The following UBE3D variants were observed in gnomAD, a reference collection of about 807,000 sequenced individuals.
UBE3D encodes the protein E3 ubiquitin-protein ligase E3D.
In UBE3D, 48 loss-of-function variants were observed where a neutral mutation model predicts 49.6. The ratio of observed to expected loss-of-function variants is 0.97; its 90% CI spans 0.77 to 1.23. The LOEUF is 1.23. UBE3D is among the 50% of genes most tolerant of loss of function. The pLI, the probability that UBE3D is intolerant of heterozygous loss-of-function variation, is 0.00. For missense variants in UBE3D, 452 were observed against 468.4 expected, an observed-to-expected ratio of 0.96 and a Z score of 0.32; for synonymous variants, 189 against 174.2, an observed-to-expected ratio of 1.08 and a Z score of -0.67.
the UBE3D span, among the ~76,000 whole-genome samples, chr6:82,883,339 C>G: frequency 2.6e-5 from 4 of 152,100 alleles, no homozygotes; most frequent in Admixed American, 1.3e-4. Context: ...TGGATTAACT[C>G]AAATCGATCA....
At chr6:82,933,046 C>T (rs1272083059) in intron 9 of UBE3D, among the ~76,000 whole-genome samples, 1 of 152,064 alleles carries the variant, frequency 6.6e-6, no homozygotes, top group Admixed American at 6.6e-5. Flanking sequence ...TTGTTGATTC[C>T]TGCCACCTGA....
chr6:83,055,709 T>A (rs543562201), intron 2 of UBE3D, among the ~76,000 whole-genome samples: 2 of 152,302 alleles, frequency 1.3e-5, no homozygotes, highest in East Asian at 1.9e-4. Flanking sequence ...GGTCACAGTT[T>A]GACACTCAAA....
intron 9 of UBE3D, among the ~76,000 whole-genome samples, chr6:82,952,196 GC>G (rs752691632): frequency 6.6e-6 from 1 of 152,010 alleles, no homozygotes; most frequent in Non-Finnish European, 1.5e-5. Context: ...CTCGAGCCAG[GC>G]CTTGTACTTC....
chr6:82,926,883 T>C (rs1322661155), intron 9 of UBE3D, among the ~76,000 whole-genome samples: 1 of 152,118 alleles, frequency 6.6e-6, no homozygotes, highest in African/African-American at 2.4e-5. Flanking sequence ...CAATTCTTTC[T>C]TTCATGGGGT....
intron 8 of UBE3D, among the ~76,000 whole-genome samples, chr6:82,974,535 G>A (rs1479951222): frequency 6.6e-6 from 1 of 151,962 alleles, no homozygotes; most frequent in Non-Finnish European, 1.5e-5. Context: ...TTTTAAATTT[G>A]TATTTTTTTA....
intron 9 of UBE3D, among the ~76,000 whole-genome samples, chr6:82,897,810 G>C (rs1771439858): frequency 6.6e-6 from 1 of 152,072 alleles, no homozygotes; most frequent in African/African-American, 2.4e-5. Flanking sequence ...ACCATGTTGA[G>C]GATACCCTAG....
At chr6:82,972,335 G>T (rs1456724435) in intron 8 of UBE3D, among the ~76,000 whole-genome samples, 1 of 152,162 alleles carries the variant, frequency 6.6e-6, no homozygotes, top group East Asian at 1.9e-4. Flanking sequence ...AGCTACTAGT[G>T]ACTGAATTTC....
chr6:82,888,238 T>C (rs1770923713), downstream of UBE3D, among the ~76,000 whole-genome samples: 1 of 151,706 alleles, frequency 6.6e-6, no homozygotes. Context: ...AGAACCTCCA[T>C]ATAGGCAATC....
chr6:82,971,847 A>G (rs1777372522), intron 8 of UBE3D, among the ~76,000 whole-genome samples: 1 of 152,194 alleles, frequency 6.6e-6, no homozygotes, highest in African/African-American at 2.4e-5. Context: ...TATTGATAAA[A>G]TGGCATTATT....
At chr6:82,930,381 C>T (rs1774058574) in intron 9 of UBE3D, among the ~76,000 whole-genome samples, 1 of 152,042 alleles carries the variant, frequency 6.6e-6, no homozygotes, top group African/African-American at 2.4e-5. Context: ...TGTAAAGATA[C>T]CCAAAAACGT....
intron 9 of UBE3D, among the ~76,000 whole-genome samples, chr6:82,917,873 G>C (rs868761720): frequency 6.6e-6 from 1 of 152,168 alleles, no homozygotes; most frequent in African/African-American, 2.4e-5. Context: ...GGAGTGTGCT[G>C]TCTCTCTAAA....
chr6:82,964,533 C>T (rs1300920071), intron 8 of UBE3D, among the ~76,000 whole-genome samples: 3 of 152,100 alleles, frequency 2.0e-5, no homozygotes, highest in Non-Finnish European at 4.4e-5. Context: ...CCTAGAAGAA[C>T]CTAAGAAAGC....
intron 8 of UBE3D, among the ~76,000 whole-genome samples, chr6:82,968,572 G>A (rs1365936188): frequency 1.3e-5 from 2 of 152,096 alleles, no homozygotes; most frequent in African/African-American, 4.8e-5. Context: ...AGAATCTCAA[G>A]AGTGGTAATA....
At chr6:82,887,050 T>C in the UBE3D span, among the ~76,000 whole-genome samples, 1 of 152,182 alleles carries the variant, frequency 6.6e-6, no homozygotes, top group East Asian at 1.9e-4. Context: ...CATGCCTGTA[T>C]CTCAGCACTT....
chr6:83,047,981 C>T (rs561749631), intron 3 of UBE3D, among the ~76,000 whole-genome samples: 5 of 143,158 alleles, frequency 3.5e-5, no homozygotes, highest in East Asian at 4.4e-4. Flanking sequence ...ACTCCGGAGG[C>T]TGAGGCAGGA....
intron 4 of UBE3D, among the ~76,000 whole-genome samples, chr6:83,039,565 A>C (rs1445193631): frequency 6.6e-6 from 1 of 152,138 alleles, no homozygotes; most frequent in Non-Finnish European, 1.5e-5. Flanking sequence ...TCCAAACAAC[A>C]GCTCATGTGC....
At chr6:82,888,667 G>A (rs1326619907), downstream of UBE3D, among the ~76,000 whole-genome samples, 1 of 152,118 alleles carries the variant, frequency 6.6e-6, no homozygotes, top group Non-Finnish European at 1.5e-5. Flanking sequence ...AAGGATCCTA[G>A]AATAAGGGTG....
rs571054736 is a variant in UBE3D, at chr6:83,016,917, C to T, written c.1010+2056G>A. Among the ~76,000 whole-genome samples the T allele has an allele frequency of 3.9e-5, 6 of 152,236 alleles. No individual in the cohort carries two copies. In the East Asian group the frequency reaches 1.2e-3, roughly 29 times the overall value. On this transcript the variant is annotated intron_variant, in intron 8 of 9. Coordinates refer to ENST00000369747, the MANE Select transcript of UBE3D (RefSeq NM_198920.3). ...ATCTAGTCTTTTCATGTTTTTCTGC[C>T]TGCTTTATATTCCAGCCATGCTGGC...
intron 3 of UBE3D, among the ~76,000 whole-genome samples, chr6:83,052,287 T>C (rs146155120): frequency 6.6e-6 from 1 of 152,220 alleles, no homozygotes; most frequent in Non-Finnish European, 1.5e-5. Context: ...CTAGACAGAC[T>C]CAGAAGGGAC....
Sources: allele counts gnomAD v4.1 joint callset (sites outside exome capture counted in the v4.1 genomes callset), GRCh38; gene constraint gnomAD v4.1.1; transcripts MANE v1.5; gene names NCBI Gene and HGNC (gene_info 2026-07-23, HGNC 2026-07-21).